Variants in RBM20 observed in about 807,000 individuals in gnomAD.
RBM20 encodes RNA-binding protein 20.
A neutral mutation model predicts 110.1 loss-of-function variants in RBM20; 51 were observed. The observed-to-expected ratio is 0.46, with a 90% CI of 0.37 to 0.59. RBM20 has a LOEUF of 0.59. Ranked by LOEUF, RBM20 falls within the 20% of genes least tolerant of loss-of-function variation. The pLI, the probability that RBM20 is intolerant of heterozygous loss-of-function variation, is 0.00. For missense variants in RBM20, 1,512 were observed against 1,574.9 expected, an observed-to-expected ratio of 0.96 and a Z score of 0.68; for synonymous variants, 589 against 618.2, an observed-to-expected ratio of 0.95 and a Z score of 0.70.
chr10:110,784,935 T>C (rs756038459), intron 5 of RBM20, 46 bp downstream of exon 5: 7 of 1,209,820 alleles, frequency 5.8e-6, no homozygotes, highest in Non-Finnish European at 7.1e-6. Context: ...AAATGATTAT[T>C]AGTTTATTTA....
chr10:110,799,036 G>A (rs1452276320), intron 6 of RBM20, among the ~76,000 whole-genome samples: 1 of 152,174 alleles, frequency 6.6e-6, no homozygotes, highest in Non-Finnish European at 1.5e-5. Flanking sequence ...AAGATGCTGT[G>A]GAAACATAAT....
intron 11 of RBM20, chr10:110,822,508 T>G (rs975081277): frequency 4.4e-6 from 2 of 456,100 alleles, no homozygotes; most frequent in Admixed American, 4.7e-5. Flanking sequence ...TGCCCGGCAC[T>G]GTGACATCAT....
At chr10:110,797,142 CATT>C (rs1388349446) in intron 5 of RBM20, among the ~76,000 whole-genome samples, 2 of 152,122 alleles carry the variant, frequency 1.3e-5, no homozygotes, top group South Asian at 4.1e-4. Context: ...TTATAAAAAA[CATT>C]ATTATGAAAT....
chr10:110,659,625 A>G (rs556619407), intron 1 of RBM20, among the ~76,000 whole-genome samples: 17 of 152,306 alleles, frequency 1.1e-4, no homozygotes, highest in African/African-American at 3.9e-4. Flanking sequence ...TGCTTGCATC[A>G]ATGCTTTCAA....
At chr10:110,734,882 A>G (rs746367330) in intron 1 of RBM20, among the ~76,000 whole-genome samples, 8 of 152,338 alleles carry the variant, frequency 5.3e-5, no homozygotes, top group Non-Finnish European at 7.3e-5. Flanking sequence ...GGGAAATGCC[A>G]GAAATAAACA....
intron 7 of RBM20, among the ~76,000 whole-genome samples, chr10:110,806,513 A>G (rs1488750411): frequency 6.6e-6 from 1 of 152,210 alleles, no homozygotes; most frequent in East Asian, 1.9e-4. Flanking sequence ...TCACGAGAGT[A>G]GTACTGGGGG....
intron 2 of RBM20, among the ~76,000 whole-genome samples, chr10:110,783,021 G>T (rs533541301): frequency 3.4e-5 from 5 of 146,904 alleles, no homozygotes; most frequent in African/African-American, 1.2e-4. Context: ...AATAGGTGGG[G>T]TCTTCCTGGG....
chr10:110,685,261 A>C (rs1862486087), intron 1 of RBM20, among the ~76,000 whole-genome samples: 1 of 152,192 alleles, frequency 6.6e-6, no homozygotes, highest in Admixed American at 6.5e-5. Context: ...ATAAGTGCTC[A>C]GCGCGTTTCA....
upstream of RBM20, among the ~76,000 whole-genome samples, chr10:110,644,035 G>A (rs1460905081): frequency 1.3e-5 from 2 of 152,212 alleles, no homozygotes. This position sits in a 1 kb window ranked among gnomAD's most constrained non-coding sequence, Gnocchi z 4.3. Context: ...CGCGGGCTGC[G>A]TGTGTCGCCT....
At position 110,837,903 on chromosome 10, in the gene RBM20, A is replaced by T. The variant is rs1300802413; in HGVS notation, c.*1925A>T. On this transcript the variant is annotated 3_prime_UTR_variant, in exon 14 of 14. Transcript: ENST00000369519. ...ATCATCAGGCTATTAAATAAAATTTATAGGAGGCTGTTGGTTTGGACTGAG... is the reference window on the plus strand; with the variant it reads ...ATCATCAGGCTATTAAATAAAATTTTTAGGAGGCTGTTGGTTTGGACTGAG... 6.6e-6 allele frequency: 1 copy of T among 152,226 alleles called. No homozygotes were observed. The highest frequency in any genetic ancestry group is 2.4e-5 in the African/African-American group (1 of 41,454). 9.4% of individuals were successfully genotyped at this position (152,226 alleles called of 1,614,324 possible). A position where few individuals can be genotyped will look rare whatever the true frequency, so the allele number is the denominator to read the frequency against.
chr10:110,817,878 C>G (rs118064102), intron 9 of RBM20, among the ~76,000 whole-genome samples: 74 of 152,316 alleles, frequency 4.9e-4, no homozygotes, highest in Non-Finnish European at 8.4e-4. Context: ...GGAGGTGAGG[C>G]TGACTTGTCA....
At chr10:110,716,321 C>T (rs560193841) in intron 1 of RBM20, among the ~76,000 whole-genome samples, 1 of 152,318 alleles carries the variant, frequency 6.6e-6, no homozygotes, top group East Asian at 1.9e-4. Flanking sequence ...GCATACCACC[C>T]TCACCCCAGA....
At chr10:110,646,475 C>A (rs1429002579) in intron 1 of RBM20, among the ~76,000 whole-genome samples, 1 of 152,196 alleles carries the variant, frequency 6.6e-6, no homozygotes, top group Non-Finnish European at 1.5e-5. Context: ...AGGATGGAGA[C>A]CTCAAGAAGC....
At chr10:110,807,182 C>T (rs1483748164) in intron 7 of RBM20, among the ~76,000 whole-genome samples, 5 of 152,200 alleles carry the variant, frequency 3.3e-5, no homozygotes, top group African/African-American at 1.2e-4. Context: ...TAGGGAGCAC[C>T]TGCTCCATGC....
intron 2 of RBM20, 116 bp from the exon 3 acceptor site, chr10:110,783,250 G>A: frequency 1.4e-6 from 1 of 713,488 alleles, no homozygotes; most frequent in African/African-American, 1.8e-5. Flanking sequence ...GTCTGCAGGG[G>A]TGGTCCAGCC....
chr10:110,820,224 A>AC, intron 10 of RBM20, 48 bp downstream of exon 10: 1 of 1,299,250 alleles, frequency 7.7e-7, no homozygotes, highest in East Asian at 2.5e-5. Flanking sequence ...GGACTGAGTC[A>AC]CAGGAGTCCC....
At chr10:110,784,297 TTTAACTTA>T in intron 3 of RBM20, 36 bp from the exon 4 acceptor site, 1 of 1,397,808 alleles carries the variant, frequency 7.2e-7, no homozygotes, top group Non-Finnish European at 9.9e-7. Flanking sequence ...TAATTCTTTG[TTTAACTTA>T]TTAAGGAGCC....
intron 1 of RBM20, among the ~76,000 whole-genome samples, chr10:110,760,347 G>A (rs1420877328): frequency 6.8e-6 from 1 of 147,090 alleles, no homozygotes; most frequent in East Asian, 2.1e-4. Flanking sequence ...GGCTGTGTTA[G>A]ACACTTTCAT....
chr10:110,684,045 A>G (rs2134864575), intron 1 of RBM20, among the ~76,000 whole-genome samples: 1 of 152,362 alleles, frequency 6.6e-6, no homozygotes, highest in East Asian at 1.9e-4. Flanking sequence ...TCAGCTCTTA[A>G]AGAAAGTCAT....
Sources: allele counts gnomAD v4.1 joint callset (sites outside exome capture counted in the v4.1 genomes callset), GRCh38; gene constraint gnomAD v4.1.1; non-coding constraint Gnocchi (gnomAD v3.1); transcripts MANE v1.5; gene names NCBI Gene and HGNC (gene_info 2026-07-23, HGNC 2026-07-21).